The following RTTN variants were observed in gnomAD, a reference collection of about 807,000 sequenced individuals.
RTTN encodes the protein rotatin.
Under a neutral mutation model 269.2 loss-of-function variants are expected in RTTN, and 182 were observed. The ratio of observed to expected loss-of-function variants is 0.68; its 90% confidence interval spans 0.60 to 0.76. The LOEUF (loss-of-function observed/expected upper bound fraction) is 0.76. Among genes scored for constraint, RTTN ranks in the 30% least tolerant of loss-of-function variants. The pLI, the probability that RTTN is intolerant of heterozygous loss-of-function variation, is 0.00. For missense variants in RTTN, 2,545 were observed against 2,608.6 expected, an observed-to-expected ratio of 0.98 and a Z score of 0.53; for synonymous variants, 1,006 against 963.5, an observed-to-expected ratio of 1.04 and a Z score of -0.82.
At chr18:70,160,657 G>T in intron 14 of RTTN, among the ~76,000 whole-genome samples, 1 of 106,150 alleles carries the variant, frequency 9.4e-6, no homozygotes, top group African/African-American at 3.4e-5. Context: ...TTCTATACCT[G>T]AAAAAAAAAA....
At position 70,096,749 on chromosome 18, in the gene RTTN, T is replaced by C. The variant is rs60763507; in HGVS notation, c.3904-3945A>G. On this transcript the variant is annotated intron_variant, in intron 28 of 48. Transcript: ENST00000640769. ...GTCTGTCAACCCCTGCTGGGAGGTG[T>C]CTCCCAGTCAGGAGGCACGGGGTTC... Among the ~76,000 whole-genome samples the C allele has an allele frequency of 1.7e-3, 262 of 152,260 alleles. 1 individual carries two copies. The highest frequency in any genetic ancestry group is 6.1e-3 in the African/African-American group (255 of 41,546).
intron 32 of RTTN, among the ~76,000 whole-genome samples, chr18:70,079,121 A>C (rs1189227920): frequency 6.6e-6 from 1 of 152,146 alleles, no homozygotes; most frequent in Non-Finnish European, 1.5e-5. Flanking sequence ...AACTCCCTGA[A>C]GAATTAAAAT....
At chr18:70,014,588 G>A (rs114858965) in intron 46 of RTTN, among the ~76,000 whole-genome samples, 82 of 152,270 alleles carry the variant, frequency 5.4e-4, no homozygotes, top group African/African-American at 1.8e-3. Context: ...ACCATCAATC[G>A]AAGACACCTC....
Position 70,176,691 on chromosome 18 carries a change from A to C in RTTN, c.1460T>G (p.Leu487Arg). 1 of 1,613,182 alleles carries C rather than the reference A, an allele frequency of 6.2e-7. No homozygotes were observed. The highest frequency in any genetic ancestry group is 8.5e-7 in the Non-Finnish European group (1 of 1,179,574). Residue 487 changes from leucine to arginine, a missense_variant, in exon 11 of 49, where the codon CTT becomes CGT. By Grantham distance (102) the Leu-to-Arg change is moderately radical. Transcript: ENST00000640769. Reference sequence around the variant, plus strand: ...CTGCCTTACCTTTTCAACAGGGAGAAGCGTTTGTAGCAGTCGAACTGCAAA... The same window carrying C: ...CTGCCTTACCTTTTCAACAGGGAGACGCGTTTGTAGCAGTCGAACTGCAAA... ...SLFAVRLLQT[L>R]LPVEKASEFL...
intron 10 of RTTN, among the ~76,000 whole-genome samples, chr18:70,178,231 A>G (rs2061347886): frequency 6.6e-6 from 1 of 152,246 alleles, no homozygotes; most frequent in Admixed American, 6.5e-5. Flanking sequence ...TCTGTCTCAA[A>G]GAAAAAAAGA....
intron 23 of RTTN, chr18:70,130,116 C>T (rs775560812): frequency 6.7e-6 from 1 of 148,584 alleles, no homozygotes; most frequent in South Asian, 2.1e-4. Flanking sequence ...ATCAACAAGA[C>T]AAAAAAAAAT....
At chr18:70,089,624 T>C (rs2058789975) in intron 30 of RTTN, among the ~76,000 whole-genome samples, 1 of 152,122 alleles carries the variant, frequency 6.6e-6, no homozygotes, top group African/African-American at 2.4e-5. Flanking sequence ...GCCAGAAACG[T>C]AGACATGGGT....
intron 16 of RTTN, 48 bp downstream of exon 16, chr18:70,149,923 C>A (rs1300649773): frequency 7.8e-7 from 1 of 1,285,182 alleles, no homozygotes; most frequent in African/African-American, 1.5e-5. Flanking sequence ...ATCAATCACA[C>A]CCAGCCAAAG....
At chr18:70,024,995 T>TGGGG in intron 43 of RTTN, 147 bp from the exon 44 acceptor site, 1 of 864,230 alleles carries the variant, frequency 1.2e-6, no homozygotes, top group Non-Finnish European at 1.7e-6. Flanking sequence ...CCCATTGGGC[T>TGGGG]CCACACATGG....
intron 43 of RTTN, 136 bp from the exon 44 acceptor site, chr18:70,024,984 C>T: frequency 1.1e-6 from 1 of 946,094 alleles, no homozygotes; most frequent in Non-Finnish European, 1.5e-6. Context: ...CCTGCCCCAG[C>T]CCCATTGGGC....
At chr18:70,199,368 G>A (rs201349385) in intron 5 of RTTN, 46 bp downstream of exon 5, 2 of 1,288,498 alleles carry the variant, frequency 1.6e-6, no homozygotes, top group Non-Finnish European at 2.3e-6. Context: ...CAAACTTAAT[G>A]ACTATAAGTG....
intron 34 of RTTN, among the ~76,000 whole-genome samples, chr18:70,070,822 C>T (rs2058274621): frequency 1.3e-5 from 2 of 152,172 alleles, no homozygotes; most frequent in African/African-American, 4.8e-5. Flanking sequence ...TCTAAGTATG[C>T]TTTATGTTCT....
chr18:70,109,685 G>T lies in RTTN; in HGVS notation c.3716C>A (p.Thr1239Lys). Residue 1239 changes from threonine (T) to lysine (K), a missense_variant, in exon 28 of 49, where the codon ACG becomes AAG. Coordinates refer to ENST00000640769, the MANE Select transcript of RTTN (RefSeq NM_173630.4). ...CTGGAGCAGTTTCAGAGCCAGCTGCGTTTGAAAAACGTAAAGAAGTTCCGA... is the reference window on the plus strand; with the variant it reads ...CTGGAGCAGTTTCAGAGCCAGCTGCTTTTGAAAAACGTAAAGAAGTTCCGA... ...KCSELLYVFQTQLALKLLQCL... is the reference protein window; with the variant it reads ...KCSELLYVFQKQLALKLLQCL... 2 of 1,614,044 alleles carry T rather than the reference G, an allele frequency of 1.2e-6. No homozygotes were observed. The highest frequency in any genetic ancestry group is 1.7e-6 in the Non-Finnish European group (2 of 1,180,012).
intron 46 of RTTN, among the ~76,000 whole-genome samples, chr18:70,010,497 T>TA (rs2056337303): frequency 6.6e-6 from 1 of 152,076 alleles, no homozygotes; most frequent in Non-Finnish European, 1.5e-5. Context: ...ACTGAGTAAA[T>TA]AACACAATTA....
chr18:70,176,186 T>C (rs777452200), intron 11 of RTTN, among the ~76,000 whole-genome samples: 1 of 135,746 alleles, frequency 7.4e-6, no homozygotes, highest in Non-Finnish European at 1.6e-5. Flanking sequence ...TATGTATACG[T>C]AGATGTAGAT....
chr18:70,126,556 T>C (rs537785647), intron 25 of RTTN, among the ~76,000 whole-genome samples: 1 of 152,284 alleles, frequency 6.6e-6, no homozygotes, highest in Admixed American at 6.5e-5. Flanking sequence ...ACCCCTGTAG[T>C]GCATATGTAT....
chr18:70,023,203 C>G (rs1208122576), intron 44 of RTTN, among the ~76,000 whole-genome samples: 1 of 152,216 alleles, frequency 6.6e-6, no homozygotes, highest in Non-Finnish European at 1.5e-5. Context: ...GTCAAGACTT[C>G]AGATGATTGC....
chr18:70,020,736 A>T lies in RTTN; in HGVS notation c.6032T>A (p.Met2011Lys). The change falls in exon 45 of 49, where the codon ATG (methionine) becomes AAG (lysine). Residue 2011 changes from methionine to lysine, a missense_variant. Coordinates refer to ENST00000640769, the MANE Select transcript of RTTN (RefSeq NM_173630.4). ...THRGAVSNSLMLCILKLASQM... is the reference protein window; with the variant it reads ...THRGAVSNSLKLCILKLASQM... ...GGAAGCCAACTTTAGGATACACAGC[A>T]TCAGAGAGTTGCTCACGGCTCCTCT... The T allele has an allele frequency of 6.2e-7, 1 of 1,614,108 alleles. No homozygotes were observed. The highest frequency in any genetic ancestry group is 1.3e-5 in the African/African-American group (1 of 75,062).
chr18:70,018,453 A>G (rs1229904668), intron 45 of RTTN, among the ~76,000 whole-genome samples: 1 of 152,218 alleles, frequency 6.6e-6, no homozygotes, highest in Non-Finnish European at 1.5e-5. Flanking sequence ...AATGAAATGC[A>G]ATCACTTAAC....
Sources: gnomAD v4.1 joint callset for allele counts (sites outside exome capture counted in the v4.1 genomes callset) on GRCh38, gnomAD v4.1.1 for gene constraint, MANE v1.5 for transcripts, NCBI Gene and HGNC (gene_info 2026-07-23, HGNC 2026-07-21) for gene names.